Variants in SART1 observed in about 807,000 individuals in gnomAD.
SART1 encodes the protein spliceosome associated factor 1, recruiter of U4/U6.U5 tri-snRNP, also known as U4/U6.U5 tri-snRNP-associated protein 1.
SART1 carries 28 observed loss-of-function variants against 105.0 expected under a neutral mutation model. That is an observed-to-expected ratio of 0.27 (90% CI 0.20 to 0.37). The LOEUF is 0.37. Among genes scored for constraint, SART1 ranks in the 10% least tolerant of loss-of-function variants. The pLI is 1.00. For missense variants in SART1, 894 were observed against 1,106.5 expected (o/e 0.81, Z 2.72); for synonymous variants, 472 against 462.9 (o/e 1.02, Z -0.25).
chr11:65,976,914 A>T lies in SART1; in HGVS notation c.1858-100A>T. ...GATCTGAGGAGTAAATGAGGAAATT[A>T]AATGTTGTGGAGGGCTGGTGCCTGG... On this transcript the variant is annotated intron_variant, in intron 14 of 19. Coordinates refer to ENST00000312397, the MANE Select transcript of SART1 (RefSeq NM_005146.5). This position sits in a 1 kb window ranked among gnomAD's most constrained non-coding sequence, Gnocchi z 5.1. 2 of 1,183,958 alleles carry T rather than the reference A, an allele frequency of 1.7e-6. No homozygotes were observed. The highest frequency in any genetic ancestry group is 2.5e-6 in the Non-Finnish European group (2 of 805,416). 73.3% of individuals were successfully genotyped at this position (1,183,958 alleles called of 1,614,324 possible). A position where few individuals can be genotyped will look rare whatever the true frequency, so the allele number is the denominator to read the frequency against.
intron 16 of SART1, 26 bp from the exon 17 acceptor site, chr11:65,977,738 C>T: frequency 1.9e-6 from 3 of 1,613,992 alleles, no homozygotes; most frequent in Non-Finnish European, 2.5e-6. Flanking sequence ...GCTCCTCACA[C>T]TAAGGCCTCC....
intron 12 of SART1, among the ~76,000 whole-genome samples, chr11:65,969,915 G>C (rs975181966): frequency 1.3e-5 from 2 of 151,904 alleles, no homozygotes; most frequent in African/African-American, 2.4e-5. Flanking sequence ...GAAGAAACAG[G>C]GTTTCACCGT....
At chr11:65,964,309 C>T (rs1855204808) in intron 2 of SART1, 178 bp downstream of exon 2, 1 of 822,738 alleles carries the variant, frequency 1.2e-6, no homozygotes, top group East Asian at 2.6e-5. Flanking sequence ...AGTAAAGTGG[C>T]ATTCACTGGT....
chr11:65,968,280 A>C (rs1171397737), intron 12 of SART1, among the ~76,000 whole-genome samples: 2 of 152,054 alleles, frequency 1.3e-5, no homozygotes, highest in Non-Finnish European at 2.9e-5. Context: ...TTTTGCAAAA[A>C]TTTTTAGATG....
In SART1 at chr11:65,964,445, G is replaced by A. The variant is rs1462933379; in HGVS notation, c.372-70G>A. The A allele has an allele frequency of 4.5e-6, 7 of 1,568,946 alleles. No homozygotes were observed. The African/African-American group carries it at 8.1e-5, about 18-fold the overall frequency. On this transcript the variant is annotated intron_variant, in intron 2 of 19. Coordinates refer to ENST00000312397, the MANE Select transcript of SART1 (RefSeq NM_005146.5). ...TCACTCCCACCCTGTTTCTCCTCTT[G>A]TCTGTCTGGAAATGCACATGGCACC...
Position 65,965,144 on chromosome 11 carries a change from C to G in SART1, c.480C>G (p.Ala160=). 1 of 1,601,460 alleles carries G rather than the reference C, an allele frequency of 6.2e-7. No individual in the cohort carries two copies. Among genetic ancestry groups the G allele is most frequent in the South Asian group, 1.1e-5 (1 of 89,990 alleles). Residue 160 remains alanine, a synonymous_variant, in exon 4 of 20, where the codon GCC becomes GCG. Coordinates refer to ENST00000312397, the MANE Select transcript of SART1 (RefSeq NM_005146.5). The part of the protein sequence containing the change: ...PVTADVINPM[A]LRQREELREK... ...CAGCTGATGTCATCAACCCTATGGC[C>G]TTGCGACAGCGAGAGGAGCTGCGGG...
In SART1 at chr11:65,972,897, C is replaced by T. The variant is rs190494963; in HGVS notation, c.1573-3498C>T. 6.6e-4 allele frequency among the ~76,000 whole-genome samples: 101 copies of T among 152,054 alleles called. 1 individual carries two copies. Among genetic ancestry groups the T allele is most frequent in the South Asian group, 3.1e-3 (15 of 4,818 alleles). On this transcript the variant is annotated intron_variant, in intron 12 of 19. Transcript: ENST00000312397. ...CATAGAAATTGAGAACGTGGCCGGG[C>T]GCGATGGCTCACGCCTGTAATCCCA...
chr11:65,962,134 G>GGGCCC, intron 1 of SART1, 41 bp downstream of exon 1: 6 of 378,076 alleles, frequency 1.6e-5, no homozygotes, highest in African/African-American at 2.3e-5. Context: ...GTCGGGCGGG[G>GGGCCC]GTCCCGGAAC....
intron 12 of SART1, among the ~76,000 whole-genome samples, chr11:65,975,633 G>A (rs1251769413): frequency 2.0e-5 from 3 of 151,786 alleles, no homozygotes; most frequent in Admixed American, 6.6e-5. Flanking sequence ...CTCGATCTCC[G>A]GAACTCAAGC....
rs546297393 is a variant in SART1 at position 65,966,431 on chromosome 11, G to A, written c.1063G>A (p.Gly355Ser). ...ACATTCCTTCCGCTTGGAGCAGGGC[G>A]GCACGGCTGATGGCCTGCGGGAGCG... The part of the protein sequence containing the change: ...RPHSFRLEQG[G>S]TADGLREREL... Residue 355 changes from glycine (G) to serine (S), a missense_variant, in exon 9 of 20, where the codon GGC (glycine) becomes AGC (serine). Gly to Ser is a moderately conservative substitution (Grantham distance 56). Around this residue, in one of 2 missense-constraint regions of SART1, gnomAD observed 712 missense variants for 778.2 expected, o/e 0.91. Transcript: ENST00000312397. 4.0e-5 allele frequency: 64 copies of A among 1,613,740 alleles called. No individual in the cohort carries two copies. In the South Asian group the frequency reaches 4.2e-4, roughly 11 times the overall value.
chr11:65,965,226 G>A lies in SART1; in HGVS notation c.554+8G>A. On this transcript the variant is annotated splice_region_variant and intron_variant, in intron 4 of 19. Transcript: ENST00000312397. ...GCTGAACCAAAAGCTGGGGTGAGGGGTCCTGGCCAGGGCAGGCAAGGGAAG... is the reference window on the plus strand; with the variant it reads ...GCTGAACCAAAAGCTGGGGTGAGGGATCCTGGCCAGGGCAGGCAAGGGAAG... 1 of 1,608,400 alleles carries A rather than the reference G, an allele frequency of 6.2e-7. No individual in the cohort carries two copies. The highest frequency in any genetic ancestry group is 1.1e-5 in the South Asian group (1 of 90,852).
At position 65,965,896 on chromosome 11, in the gene SART1, A is replaced by G. The variant is rs200878652; in HGVS notation, c.748A>G (p.Ser250Gly). The change falls in exon 7 of 20, where the codon AGT becomes GGT. Residue 250 changes from serine (S) to glycine (G), a missense_variant. Around this residue, in one of 2 missense-constraint regions of SART1, gnomAD observed 712 missense variants for 778.2 expected, o/e 0.91. Coordinates refer to ENST00000312397, the MANE Select transcript of SART1 (RefSeq NM_005146.5). Reference sequence around the variant, plus strand: ...CCGATTCTTCCCTTAGGACCTGTACAGTGCCCGGGACCTGCAGGGCCTCAC... The same window carrying G: ...CCGATTCTTCCCTTAGGACCTGTACGGTGCCCGGGACCTGCAGGGCCTCAC... The part of the protein sequence containing the change: ...EFGQRRQDLY[S>G]ARDLQGLTVE... 1.9e-5 allele frequency: 30 copies of G among 1,614,090 alleles called. No homozygotes were observed. The African/African-American group carries it at 3.1e-4, about 16-fold the overall frequency.
At chr11:65,964,220 G>A (rs1855203400) in intron 2 of SART1, 89 bp downstream of exon 2, 1 of 1,123,008 alleles carries the variant, frequency 8.9e-7, no homozygotes, top group South Asian at 1.3e-5. Context: ...ACATGAAAGT[G>A]TGCTAATCAG....
intron 12 of SART1, 138 bp downstream of exon 12, chr11:65,967,959 T>A: frequency 1.2e-6 from 1 of 823,814 alleles, no homozygotes; most frequent in Non-Finnish European, 1.8e-6. Flanking sequence ...GTTTTTTTTT[T>A]TTTTTTTTGA....
chr11:65,977,492 C>T (rs1855505880), intron 15 of SART1, 71 bp from the exon 16 acceptor site: 2 of 1,334,872 alleles, frequency 1.5e-6, no homozygotes, highest in African/African-American at 1.4e-5. Flanking sequence ...AGGGCCTGCT[C>T]TGCCTTCTCA....
intron 12 of SART1, among the ~76,000 whole-genome samples, chr11:65,972,954 G>C (rs1391116074): frequency 6.6e-6 from 1 of 152,242 alleles, no homozygotes; most frequent in East Asian, 1.9e-4. Context: ...GGCGGATCAC[G>C]AGGTCAGGAG....
Position 65,977,065 on chromosome 11 carries a change from G to A in SART1, c.1909G>A (p.Gly637Arg). 6.2e-7 allele frequency: 1 copy of A among 1,614,022 alleles called. No homozygotes were observed. The change falls in exon 15 of 20, where the codon GGG becomes AGG. Residue 637 changes from glycine to arginine, a missense_variant. Gly to Arg is a moderately radical substitution (Grantham distance 125, BLOSUM62 -2). Around this residue, in one of 2 missense-constraint regions of SART1, gnomAD observed 182 missense variants for 328.3 expected, o/e 0.55. Transcript: ENST00000312397. ...ILDEEPIVNR[G>R]LAAALLLCQN... ...GGACGAGGAACCGATCGTGAATAGGGGGCTGGCAGCTGCCCTGCTCCTGTG... is the reference window on the plus strand; with the variant it reads ...GGACGAGGAACCGATCGTGAATAGGAGGCTGGCAGCTGCCCTGCTCCTGTG...
At chr11:65,966,633 G>A in intron 9 of SART1, 77 bp downstream of exon 9, 1 of 1,387,904 alleles carries the variant, frequency 7.2e-7, no homozygotes, top group Non-Finnish European at 9.5e-7. Context: ...CGCAGGCACT[G>A]AGAAGACAGG....
chr11:65,968,706 C>T (rs1395752645), intron 12 of SART1, among the ~76,000 whole-genome samples: 1 of 152,118 alleles, frequency 6.6e-6, no homozygotes, highest in Non-Finnish European at 1.5e-5. Context: ...CAGCAGGTGT[C>T]TCAGGAGAAG....
Sources: gnomAD v4.1 joint callset for allele counts (sites outside exome capture counted in the v4.1 genomes callset) on GRCh38, gnomAD v4.1.1 for gene constraint, gnomAD v4.1.1 regional missense constraint, Gnocchi (gnomAD v3.1) non-coding constraint, MANE v1.5 for transcripts, NCBI Gene and HGNC (gene_info 2026-07-23, HGNC 2026-07-21) for gene names.